Variants in RARB observed in about 807,000 individuals in gnomAD.
RARB encodes the protein retinoic acid receptor beta.
Under a neutral mutation model 51.9 loss-of-function variants are expected in RARB, and 17 were observed. That is an observed-to-expected ratio of 0.33 (90% CI 0.22 to 0.49). RARB has a LOEUF of 0.49. Among genes scored for constraint, RARB ranks in the 20% least tolerant of loss-of-function variants. The pLI is 0.99. For missense variants in RARB, 369 were observed against 550.8 expected (o/e 0.67, Z 3.30); for synonymous variants, 215 against 195.4 (o/e 1.10, Z -0.84).
At chr3:25,522,381 G>T (rs996723962) in intron 3 of RARB, among the ~76,000 whole-genome samples, 1 of 152,074 alleles carries the variant, frequency 6.6e-6, no homozygotes, top group Non-Finnish European at 1.5e-5. Flanking sequence ...ACGAGTAGGT[G>T]GCAATATACA....
At chr3:25,519,069 A>G (rs544013347) in intron 3 of RARB, among the ~76,000 whole-genome samples, 2 of 152,284 alleles carry the variant, frequency 1.3e-5, no homozygotes, top group Admixed American at 6.5e-5. Context: ...TCTTTCATTC[A>G]TCATTACCTC....
At chr3:25,414,809 A>G (rs1427006010) in intron 5 of RARB, among the ~76,000 whole-genome samples, 1 of 152,116 alleles carries the variant, frequency 6.6e-6, no homozygotes, top group Non-Finnish European at 1.5e-5. Flanking sequence ...GGAATTTTTA[A>G]AATTCTAGTT....
intron 4 of RARB, among the ~76,000 whole-genome samples, chr3:25,570,944 G>GA (rs111980473): frequency 3.0e-3 from 436 of 146,168 alleles, no homozygotes; most frequent in Non-Finnish European, 3.3e-3. Context: ...ATACCAGAAA[G>GA]AAAAAAAAAA....
chr3:25,196,918 A>AT (rs1192901291), intron 5 of RARB, among the ~76,000 whole-genome samples: 1 of 150,536 alleles, frequency 6.6e-6, no homozygotes, highest in Non-Finnish European at 1.5e-5. Context: ...GATGGGGTTG[A>AT]TTTTTTTGTT....
At chr3:24,985,106 C>A (rs187912515) in intron 2 of RARB, among the ~76,000 whole-genome samples, 6 of 152,238 alleles carry the variant, frequency 3.9e-5, no homozygotes, top group Admixed American at 3.3e-4. Context: ...ATTTAATGAC[C>A]AATACAGCTA....
chr3:25,106,468 G>GTTTTTTTTTTTTTTTT (rs1239064966), intron 3 of RARB, among the ~76,000 whole-genome samples: 1 of 113,996 alleles, frequency 8.8e-6, no homozygotes, highest in Non-Finnish European at 1.7e-5. Flanking sequence ...GTTTTTTTTT[G>GTTTTTTTTTTTTTTTT]TTTTGTTTTT....
chr3:25,108,294 C>G (rs1187715468), intron 3 of RARB, among the ~76,000 whole-genome samples: 1 of 152,152 alleles, frequency 6.6e-6, no homozygotes, highest in Non-Finnish European at 1.5e-5. Flanking sequence ...ACTGTATACT[C>G]AAATATGAAA....
In RARB at chr3:25,186,567, G is replaced by A. The variant is rs112359076; in HGVS notation, c.178+11992G>A. On this transcript the variant is annotated intron_variant, in intron 5 of 11. Coordinates refer to the RARB transcript ENST00000383772. ...TGAGCAGATGTAGGCAAAATAAGTGGTATATTCACTAAATTGAATATTATT... is the reference window on the plus strand; with the variant it reads ...TGAGCAGATGTAGGCAAAATAAGTGATATATTCACTAAATTGAATATTATT... Among the ~76,000 whole-genome samples, 689 of 152,072 alleles carry A rather than the reference G, an allele frequency of 4.5e-3. 7 individuals are homozygous for A. Among genetic ancestry groups the A allele is most frequent in the African/African-American group, 0.016 (647 of 41,492 alleles).
intron 5 of RARB, among the ~76,000 whole-genome samples, chr3:25,199,776 C>T (rs1036347590): frequency 6.6e-6 from 1 of 152,168 alleles, no homozygotes; most frequent in African/African-American, 2.4e-5. Flanking sequence ...GACATGAACT[C>T]ATCCTTTTTT....
At chr3:24,878,303 G>A (rs141940987) in intron 2 of RARB, among the ~76,000 whole-genome samples, 4 of 150,854 alleles carry the variant, frequency 2.7e-5, no homozygotes, top group East Asian at 3.9e-4. Flanking sequence ...CATATAGCAC[G>A]CAATTGGATT....
chr3:25,426,410 G>A (rs534643661), upstream of RARB, among the ~76,000 whole-genome samples: 3 of 152,340 alleles, frequency 2.0e-5, no homozygotes, highest in African/African-American at 7.2e-5. Flanking sequence ...TTGTTTTAAT[G>A]TACCTTCATA....
chr3:24,874,108 T>A (rs1702998959), intron 2 of RARB, among the ~76,000 whole-genome samples: 1 of 152,040 alleles, frequency 6.6e-6, no homozygotes, highest in Non-Finnish European at 1.5e-5. Flanking sequence ...TACTACTCCA[T>A]AGGAACTTGA....
intron 4 of RARB, among the ~76,000 whole-genome samples, chr3:25,577,249 C>A (rs547997028): frequency 6.6e-6 from 1 of 152,180 alleles, no homozygotes; most frequent in East Asian, 1.9e-4. Context: ...TGTGGGCCTT[C>A]GCTTCCTCAT....
chr3:25,415,414 T>C (rs1707674988), intron 5 of RARB, among the ~76,000 whole-genome samples: 1 of 152,192 alleles, frequency 6.6e-6, no homozygotes, highest in Non-Finnish European at 1.5e-5. Flanking sequence ...GTTTGTTTTA[T>C]TTGTATGCAG....
Position 25,076,242 on chromosome 3 carries a change from GC to G in RARB, c.-328+16068del, listed in dbSNP as rs202172720. Among the ~76,000 whole-genome samples the G allele has an allele frequency of 4.6e-3, 701 of 151,758 alleles. 16 individuals carry two copies. The East Asian group carries it at 0.061, about 13-fold the overall frequency. ...CGCAAGCTCCGCCTCCCGGGTTCAC[GC>G]CATTCTCTTGCCTCAACCTCCTGAG... On this transcript the variant is annotated intron_variant, in intron 3 of 11. Coordinates refer to the RARB transcript ENST00000383772.
intron 3 of RARB, among the ~76,000 whole-genome samples, chr3:25,096,855 C>A (rs1224402947): frequency 6.6e-6 from 1 of 152,140 alleles, no homozygotes; most frequent in African/African-American, 2.4e-5. Flanking sequence ...AAGTGGCTAG[C>A]AACTACTTCA....
chr3:25,314,453 G>C (rs1395830143), intron 5 of RARB, among the ~76,000 whole-genome samples: 1 of 152,092 alleles, frequency 6.6e-6, no homozygotes, highest in Non-Finnish European at 1.5e-5. Flanking sequence ...TTTCACAGGA[G>C]AGCTGTAAGA....
intron 3 of RARB, among the ~76,000 whole-genome samples, chr3:25,101,384 A>G (rs1028520097): frequency 6.6e-6 from 1 of 152,196 alleles, no homozygotes; most frequent in African/African-American, 2.4e-5. Flanking sequence ...CATGCTCAAC[A>G]TAAGCACCTA....
intron 5 of RARB, among the ~76,000 whole-genome samples, chr3:25,247,449 T>G (rs1032886733): frequency 1.3e-5 from 2 of 152,164 alleles, no homozygotes; most frequent in African/African-American, 4.8e-5. Context: ...GCCCATGTGG[T>G]GTAGGCACAC....
Sources: gnomAD v4.1 joint callset for allele counts (sites outside exome capture counted in the v4.1 genomes callset) on GRCh38, gnomAD v4.1.1 for gene constraint, MANE v1.5 for transcripts, NCBI Gene and HGNC (gene_info 2026-07-23, HGNC 2026-07-21) for gene names.